Variants in MGMT observed in about 807,000 individuals in gnomAD.
MGMT encodes the protein methylated-DNA--protein-cysteine methyltransferase.
MGMT carries 14 observed loss-of-function variants against 15.9 expected under a neutral mutation model. The observed-to-expected ratio is 0.88, with a 90% CI of 0.58 to 1.37. The LOEUF (loss-of-function observed/expected upper bound fraction) is 1.37, where lower values mean the gene tolerates loss of function less well. Among genes scored for constraint, MGMT ranks in the 40% most tolerant of loss-of-function variants. The pLI, the probability that MGMT is intolerant of heterozygous loss-of-function variation, is 0.00. For synonymous variants in MGMT, 130 were observed against 118.2 expected (o/e 1.10, Z -0.65); for missense variants, 282 against 268.1 (o/e 1.05, Z -0.36).
At chr10:129,546,749 C>G (rs1460344467) in intron 2 of MGMT, among the ~76,000 whole-genome samples, 3 of 152,132 alleles carry the variant, frequency 2.0e-5, no homozygotes, top group Non-Finnish European at 4.4e-5. Context: ...ACACTGACGT[C>G]AGATCTTCTT....
chr10:129,674,344 T>G (rs1589929248), intron 2 of MGMT, among the ~76,000 whole-genome samples: 1 of 152,196 alleles, frequency 6.6e-6, no homozygotes, highest in African/African-American at 2.4e-5. Context: ...ATGTGATGTT[T>G]CAGTGCCACA....
intron 3 of MGMT, among the ~76,000 whole-genome samples, chr10:129,756,509 G>A (rs562197732): frequency 2.5e-4 from 38 of 152,262 alleles, no homozygotes; most frequent in Non-Finnish European, 4.6e-4. Flanking sequence ...TCGCTCTGTC[G>A]CCCAGGCTGG....
intron 1 of MGMT, among the ~76,000 whole-genome samples, chr10:129,480,721 AT>A (rs980465560): frequency 6.6e-6 from 1 of 152,174 alleles, no homozygotes; most frequent in African/African-American, 2.4e-5. Flanking sequence ...CTACAAAAAC[AT>A]TTTTTAAAAA....
Position 129,770,043 on chromosome 10 carries a change from A to ACC in MGMT, c.*3049_*3050dup. ...ACCCAGCAGAAACAGCTTACTGAAC[A>ACC]CCCCTCGGGTGGCTGGATGATGTGC... On this transcript the variant is annotated 3_prime_UTR_variant, in exon 5 of 5. Coordinates refer to ENST00000651593, the MANE Select transcript of MGMT (RefSeq NM_002412.5). Among the ~76,000 whole-genome samples, 1 of 151,982 alleles carries ACC rather than the reference A, an allele frequency of 6.6e-6. No homozygotes were observed. The highest frequency in any genetic ancestry group is 2.4e-5 in the African/African-American group (1 of 41,444).
intron 3 of MGMT, among the ~76,000 whole-genome samples, chr10:129,756,523 G>T (rs1487591992): frequency 6.6e-6 from 1 of 152,186 alleles, no homozygotes; most frequent in Non-Finnish European, 1.5e-5. Context: ...AGGCTGGAGC[G>T]CAGTGGCACA....
chr10:129,500,725 T>C (rs934324750), intron 1 of MGMT, among the ~76,000 whole-genome samples: 2 of 152,086 alleles, frequency 1.3e-5, no homozygotes, highest in Non-Finnish European at 2.9e-5. Context: ...GATTTTTGTA[T>C]GTTTTTGTAG....
chr10:129,637,608 G>A (rs1444392547), intron 2 of MGMT, among the ~76,000 whole-genome samples: 1 of 152,188 alleles, frequency 6.6e-6, no homozygotes, highest in Non-Finnish European at 1.5e-5. Flanking sequence ...ACATGTTGGA[G>A]CCCTAGCCCT....
chr10:129,704,243 T>C (rs1224488306), intron 2 of MGMT, among the ~76,000 whole-genome samples: 2 of 151,876 alleles, frequency 1.3e-5, no homozygotes, highest in African/African-American at 4.8e-5. Context: ...GGGAAGGAAA[T>C]TGGGCAGTGA....
At chr10:129,729,778 T>A (rs1564776727) in intron 3 of MGMT, among the ~76,000 whole-genome samples, 1 of 152,178 alleles carries the variant, frequency 6.6e-6, no homozygotes, top group Non-Finnish European at 1.5e-5. Context: ...GTTGGGTTGG[T>A]CTTCAAAAGT....
At chr10:129,746,202 T>C (rs1231956370) in intron 3 of MGMT, among the ~76,000 whole-genome samples, 1 of 150,652 alleles carries the variant, frequency 6.6e-6, no homozygotes, top group Non-Finnish European at 1.5e-5. Context: ...TCGCACCACT[T>C]TGCTCCAGCC....
chr10:129,548,871 G>A (rs1171941328), intron 2 of MGMT, among the ~76,000 whole-genome samples: 1 of 152,222 alleles, frequency 6.6e-6, no homozygotes, highest in African/African-American at 2.4e-5. Context: ...GGTCCTCCAG[G>A]TCCAGGCCCT....
chr10:129,631,030 A>G (rs1001646430), intron 2 of MGMT, among the ~76,000 whole-genome samples: 7 of 152,230 alleles, frequency 4.6e-5, no homozygotes, highest in Non-Finnish European at 5.9e-5. Context: ...TCTCATCGGT[A>G]TCAATAGGAT....
intron 1 of MGMT, among the ~76,000 whole-genome samples, chr10:129,476,181 C>T (rs117332411): frequency 6.0e-4 from 91 of 152,176 alleles, no homozygotes; most frequent in Non-Finnish European, 1.1e-3. Flanking sequence ...TATAAGCCTT[C>T]CTGTTGTATT....
chr10:129,698,920 A>C (rs1359407370), intron 2 of MGMT, among the ~76,000 whole-genome samples: 1 of 152,238 alleles, frequency 6.6e-6, no homozygotes, highest in African/African-American at 2.4e-5. Flanking sequence ...TCTCATACAT[A>C]ATGAATTGTG....
At chr10:129,500,073 T>C (rs1305152509) in intron 1 of MGMT, among the ~76,000 whole-genome samples, 4 of 152,254 alleles carry the variant, frequency 2.6e-5, no homozygotes, top group Non-Finnish European at 5.9e-5. Context: ...TATCTTCCTT[T>C]TCCTTACACT....
chr10:129,597,180 G>T (rs914065767), intron 2 of MGMT, among the ~76,000 whole-genome samples: 5 of 152,090 alleles, frequency 3.3e-5, no homozygotes, highest in African/African-American at 1.2e-4. Context: ...CACGTCCCAG[G>T]GTATCTAGTA....
chr10:129,492,286 G>C (rs547571450), intron 1 of MGMT, among the ~76,000 whole-genome samples: 1 of 152,170 alleles, frequency 6.6e-6, no homozygotes, highest in Admixed American at 6.5e-5. Context: ...GAGATCCCTT[G>C]GTTCTCCCCT....
chr10:129,546,443 T>A (rs1365628145), intron 2 of MGMT, among the ~76,000 whole-genome samples: 1 of 152,210 alleles, frequency 6.6e-6, no homozygotes, highest in Non-Finnish European at 1.5e-5. Flanking sequence ...AAGGAGGCAG[T>A]TAAGAGGCTG....
intron 2 of MGMT, among the ~76,000 whole-genome samples, chr10:129,654,354 G>A (rs111813489): frequency 0.02 from 3,027 of 152,222 alleles, 39 homozygotes; most frequent in Middle Eastern, 0.058. Context: ...GGACCTGCAC[G>A]CGGGGTCGGG....
Sources: gnomAD v4.1 joint callset for allele counts (sites outside exome capture counted in the v4.1 genomes callset) on GRCh38, gnomAD v4.1.1 for gene constraint, MANE v1.5 for transcripts, NCBI Gene and HGNC (gene_info 2026-07-23, HGNC 2026-07-21) for gene names.